Variants in CARM1 observed in about 807,000 individuals in gnomAD.
CARM1 encodes histone-arginine methyltransferase CARM1.
In CARM1, 14 loss-of-function variants were observed where a neutral mutation model predicts 72.7. That is an observed-to-expected ratio of 0.19 (90% CI 0.13 to 0.30). CARM1 has a LOEUF of 0.30. CARM1 is among the 10% of genes least tolerant of loss of function. The pLI is 1.00. For missense variants in CARM1, 432 were observed against 833.7 expected, an observed-to-expected ratio of 0.52 and a Z score of 5.93; for synonymous variants, 333 against 345.5, an observed-to-expected ratio of 0.96 and a Z score of 0.40.
chr19:10,890,248 T>G (rs1405777841), intron 1 of CARM1, among the ~76,000 whole-genome samples: 1 of 143,412 alleles, frequency 7.0e-6, no homozygotes, highest in Non-Finnish European at 1.6e-5. Flanking sequence ...TTAGGTGGTT[T>G]TTTTGTTTTT....
rs1428073494 is a variant in CARM1, at chr19:10,912,719, C to A, written c.669+425C>A. On this transcript the variant is annotated intron_variant, in intron 5 of 15. Transcript: ENST00000327064. This position sits in a 1 kb window ranked among gnomAD's most constrained non-coding sequence, Gnocchi z 4.5. ...CCAGTGGAGGCTGCACCCTCCATTC[C>A]CTGCTCTGCCTCTCCCATGGATCTG... Among the ~76,000 whole-genome samples, 1 of 152,118 alleles carries A rather than the reference C, an allele frequency of 6.6e-6. No individual in the cohort carries two copies. The highest frequency in any genetic ancestry group is 1.9e-4 in the East Asian group (1 of 5,190).
At chr19:10,895,475 AC>A (rs534279782) in intron 1 of CARM1, among the ~76,000 whole-genome samples, 107 of 152,008 alleles carry the variant, frequency 7.0e-4, no homozygotes, top group South Asian at 1.0e-3. Context: ...GGGCCCAAAG[AC>A]CCCCTGCTTG....
rs1214026548 is a variant in CARM1, at chr19:10,871,921, C to T, written c.219C>T (p.Ser73=). The change falls in exon 1 of 16, where the codon AGC becomes AGT. Residue 73 remains serine, a splice_region_variant and synonymous_variant. Coordinates refer to ENST00000327064, the MANE Select transcript of CARM1 (RefSeq NM_199141.2). This position sits in a 1 kb window ranked among gnomAD's most constrained non-coding sequence, Gnocchi z 5.6. ...GPDSAGIALY[S]HEDVCVFKCS... is the part of the protein sequence containing the mutation. ...ACTCGGCGGGCATCGCCCTCTACAGCCGTGAGTACGGGGCCCCGGGGCAGG... is the reference window on the plus strand; with the variant it reads ...ACTCGGCGGGCATCGCCCTCTACAGTCGTGAGTACGGGGCCCCGGGGCAGG... 3.3e-6 allele frequency: 4 copies of T among 1,195,576 alleles called. No individual in the cohort carries two copies. The highest frequency in any genetic ancestry group is 3.6e-5 in the East Asian group (1 of 27,664). The allele number at this position is 1,195,576 out of a possible 1,614,324, so 74.1% of individuals were successfully genotyped here.
chr19:10,907,068 G>A (rs1257913601), intron 2 of CARM1, among the ~76,000 whole-genome samples: 1 of 150,848 alleles, frequency 6.6e-6, no homozygotes, highest in African/African-American at 2.4e-5. Flanking sequence ...CACCACCCCT[G>A]GCTAATTTCT....
intron 1 of CARM1, among the ~76,000 whole-genome samples, chr19:10,873,708 C>T (rs1192729472): frequency 1.6e-5 from 2 of 121,380 alleles, no homozygotes; most frequent in African/African-American, 6.3e-5. Flanking sequence ...GGCTCAATCT[C>T]GGCTCACTGC....
chr19:10,908,248 C>T (rs905737392), intron 3 of CARM1, 103 bp downstream of exon 3: 13 of 742,888 alleles, frequency 1.7e-5, no homozygotes, highest in African/African-American at 1.7e-5. Flanking sequence ...CCCAAGTTCC[C>T]GTCCTGGCTC....
intron 1 of CARM1, among the ~76,000 whole-genome samples, chr19:10,895,728 A>G (rs1336504345): frequency 2.6e-5 from 4 of 152,214 alleles, no homozygotes; most frequent in African/African-American, 9.6e-5. Context: ...CATTCTGGTC[A>G]GTACCCATGA....
chr19:10,892,819 G>A (rs1220603505), intron 1 of CARM1, among the ~76,000 whole-genome samples: 1 of 152,116 alleles, frequency 6.6e-6, no homozygotes, highest in Admixed American at 6.5e-5. Flanking sequence ...TGCAACCTCT[G>A]CCTCCTGGGT....
rs1383632537 is a variant in CARM1, at chr19:10,915,518, C to A, written c.848-889C>A. On this transcript the variant is annotated intron_variant, in intron 6 of 15. Coordinates refer to ENST00000327064, the MANE Select transcript of CARM1 (RefSeq NM_199141.2). This position sits in a 1 kb window ranked among gnomAD's most constrained non-coding sequence, Gnocchi z 4.6. The stretch of plus-strand genomic sequence containing the variant: ...TTCTGGTCAGCAGGAGCCAGAGGTT[C>A]CTTCCAGGCTGGGTCACTTCCCATG... Among the ~76,000 whole-genome samples, 4 of 152,128 alleles carry A rather than the reference C, an allele frequency of 2.6e-5. No individual in the cohort carries two copies. The highest frequency in any genetic ancestry group is 9.7e-5 in the African/African-American group (4 of 41,434).
At chr19:10,914,310 CGTCCCAT>C (rs1160128495) in intron 6 of CARM1, among the ~76,000 whole-genome samples, 13 of 152,232 alleles carry the variant, frequency 8.5e-5, no homozygotes, top group African/African-American at 2.2e-4. Context: ...GCACCTCTGC[CGTCCCAT>C]GTCCTGCTCC....
intron 1 of CARM1, among the ~76,000 whole-genome samples, chr19:10,894,904 C>A (rs59882649): frequency 6.6e-6 from 1 of 151,948 alleles, no homozygotes; most frequent in African/African-American, 2.4e-5. Flanking sequence ...CCATGCCCAG[C>A]TAATTTTTTT....
In CARM1 at chr19:10,921,391, C is replaced by T. The variant is rs1210714408; in HGVS notation, c.1632C>T (p.Val544=). 1 of 1,609,484 alleles carries T rather than the reference C, an allele frequency of 6.2e-7. No individual in the cohort carries two copies. Among genetic ancestry groups the T allele is most frequent in the African/African-American group, 1.3e-5 (1 of 74,602 alleles). ...GCTGCGCAGCCAACACGGGGATTGT[C>T]AATCACACCCACTCCCGGATGGGCT... ...NLIPLANTGI[V]NHTHSRMGSI... Residue 544 remains valine, a synonymous_variant, in exon 15 of 16, where the codon GTC becomes GTT. Coordinates refer to ENST00000327064, the MANE Select transcript of CARM1 (RefSeq NM_199141.2).
Position 10,922,533 on chromosome 19 carries a change from GC to G in CARM1, c.*778del, listed in dbSNP as rs1285412405. 2 of 139,102 alleles carry G rather than the reference GC, an allele frequency of 1.4e-5. No homozygotes were observed. Among genetic ancestry groups the G allele is most frequent in the Non-Finnish European group, 3.0e-5 (2 of 66,058 alleles). The allele number at this position is 139,102 out of a possible 1,614,324, so 8.6% of individuals were successfully genotyped here. The stretch of plus-strand genomic sequence containing the variant: ...CCTTGGGCCCGGAGGGAAGGCCACT[GC>G]CGGCCACTTGGGGCAGACACAGACA... On this transcript the variant is annotated 3_prime_UTR_variant, in exon 16 of 16. Coordinates refer to ENST00000327064, the MANE Select transcript of CARM1 (RefSeq NM_199141.2).
intron 1 of CARM1, among the ~76,000 whole-genome samples, chr19:10,899,033 G>GTTTTT (rs34563725): frequency 1.7e-5 from 2 of 117,450 alleles, no homozygotes; most frequent in Non-Finnish European, 1.8e-5. Flanking sequence ...GGCTTAGCTT[G>GTTTTT]TTTTTTTTTT....
chr19:10,889,054 G>C (rs1338688354), intron 1 of CARM1, among the ~76,000 whole-genome samples: 1 of 152,188 alleles, frequency 6.6e-6, no homozygotes, highest in East Asian at 1.9e-4. Context: ...TATGAGGTTT[G>C]GGTGTCCTCA....
Position 10,920,030 on chromosome 19 carries a change from C to A in CARM1, c.1196+64C>A. ...CTCCCAGGGCTTCCTGCAGCTGCAA[C>A]CTGGCTGGGGGGGTGGAACATGGCT... On this transcript the variant is annotated intron_variant, in intron 10 of 15. Coordinates refer to ENST00000327064, the MANE Select transcript of CARM1 (RefSeq NM_199141.2). The surrounding 1 kb of genome is among the most constrained non-coding windows in gnomAD (Gnocchi z 5.3). The A allele has an allele frequency of 3.1e-6, 4 of 1,304,474 alleles. No homozygotes were observed. The highest frequency in any genetic ancestry group is 1.2e-5 in the South Asian group (1 of 83,812). The allele number at this position is 1,304,474 out of a possible 1,614,324, so 80.8% of individuals were successfully genotyped here.
At chr19:10,887,843 T>C (rs2073952904) in intron 1 of CARM1, among the ~76,000 whole-genome samples, 1 of 152,104 alleles carries the variant, frequency 6.6e-6, no homozygotes, top group South Asian at 2.1e-4. Context: ...CATTGGAGGC[T>C]GCCTCCGCTC....
chr19:10,912,375 A>G lies in CARM1; in HGVS notation c.669+81A>G, dbSNP rs557820240. The G allele has an allele frequency of 1.9e-4, 195 of 1,020,328 alleles. No homozygotes were observed. The highest frequency in any genetic ancestry group is 5.5e-4 in the Admixed American group (32 of 58,370). The allele number at this position is 1,020,328 out of a possible 1,614,324, so 63.2% of individuals were successfully genotyped here. On this transcript the variant is annotated intron_variant, in intron 5 of 15. Coordinates refer to ENST00000327064, the MANE Select transcript of CARM1 (RefSeq NM_199141.2). This position sits in a 1 kb window ranked among gnomAD's most constrained non-coding sequence, Gnocchi z 4.5. Reference sequence around the variant, plus strand: ...GGCCCCAGCCTAGAGAAGCTTGGGAACCCCCAGGGGCCTGGGGACATTACT... The same window carrying G: ...GGCCCCAGCCTAGAGAAGCTTGGGAGCCCCCAGGGGCCTGGGGACATTACT...
At chr19:10,883,674 C>T (rs2073918589) in intron 1 of CARM1, among the ~76,000 whole-genome samples, 1 of 152,220 alleles carries the variant, frequency 6.6e-6, no homozygotes, top group Non-Finnish European at 1.5e-5. Context: ...CTGCCTTAGC[C>T]TCCTGAGTAG....
Sources: allele counts gnomAD v4.1 joint callset (sites outside exome capture counted in the v4.1 genomes callset), GRCh38; gene constraint gnomAD v4.1.1; non-coding constraint Gnocchi (gnomAD v3.1); transcripts MANE v1.5; gene names NCBI Gene and HGNC (gene_info 2026-07-23, HGNC 2026-07-21).